The following DMD variants were observed in gnomAD, a reference collection of about 807,000 sequenced individuals.
DMD encodes the protein dystrophin.
Under a neutral mutation model 330.1 loss-of-function variants are expected in DMD, and 63 were observed. That is an observed-to-expected ratio of 0.19 (90% CI 0.16 to 0.24). The LOEUF is 0.24. Among genes scored for constraint, DMD ranks in the 10% least tolerant of loss-of-function variants. The probability of loss-of-function intolerance (pLI) is 1.00; values close to 1 mark genes in which losing one functional copy is unlikely to be tolerated. For missense variants in DMD, 3,344 were observed against 2,684.1 expected, an observed-to-expected ratio of 1.25 and a Z score of -5.43; for synonymous variants, 1,223 against 959.8, an observed-to-expected ratio of 1.27 and a Z score of -5.07.
chrX:32,999,913 T>C (rs2147402379), intron 2 of DMD, among the ~76,000 whole-genome samples: 1 of 113,057 alleles, frequency 8.8e-6, no homozygotes, highest in South Asian at 3.6e-4. Flanking sequence ...AAGCGTCACG[T>C]ACACGTGTTG....
At chrX:33,150,340 G>A (rs2048223746) in intron 1 of DMD, among the ~76,000 whole-genome samples, 1 of 102,808 alleles carries the variant, frequency 9.7e-6, no homozygotes, top group African/African-American at 3.6e-5. Context: ...TGTTGCCCAG[G>A]CTGGAGTGCA....
chrX:32,794,154 T>C (rs1333342500), intron 7 of DMD, among the ~76,000 whole-genome samples: 6 of 111,546 alleles, frequency 5.4e-5, no homozygotes, highest in Non-Finnish European at 1.1e-4. Flanking sequence ...CAAAAGAACA[T>C]TTCATAAAAT....
intron 1 of DMD, among the ~76,000 whole-genome samples, chrX:33,194,920 C>T (rs6628787): frequency 9.0e-6 from 1 of 111,415 alleles, no homozygotes; most frequent in East Asian, 2.8e-4. Flanking sequence ...CATTTAAGTG[C>T]AAAAATAATA....
At chrX:32,981,007 C>T (rs2092694468) in intron 2 of DMD, among the ~76,000 whole-genome samples, 1 of 111,548 alleles carries the variant, frequency 9.0e-6, no homozygotes, top group East Asian at 2.8e-4. Flanking sequence ...GCCATACCTA[C>T]TCAATTCCTC....
At chrX:32,998,150 C>T (rs941969166) in intron 2 of DMD, among the ~76,000 whole-genome samples, 1 of 109,192 alleles carries the variant, frequency 9.2e-6, no homozygotes, top group South Asian at 4.0e-4. Flanking sequence ...CACTTGAGCT[C>T]AAGCATTCAA....
intron 1 of DMD, among the ~76,000 whole-genome samples, chrX:33,188,483 T>C (rs746644503): frequency 2.7e-5 from 3 of 110,071 alleles, no homozygotes; most frequent in Non-Finnish European, 3.8e-5. Context: ...CTGACAGCAG[T>C]CCTCAGTAAC....
At chrX:32,711,765 T>A (rs2065214172) in intron 7 of DMD, among the ~76,000 whole-genome samples, 1 of 111,795 alleles carries the variant, frequency 8.9e-6, no homozygotes, top group Non-Finnish European at 1.9e-5. Context: ...CATCCATGCA[T>A]CTATCCATTC....
intron 9 of DMD, among the ~76,000 whole-genome samples, chrX:32,651,303 G>A (rs900985417): frequency 1.2e-4 from 13 of 108,685 alleles, no homozygotes; most frequent in Non-Finnish European, 1.7e-4. Flanking sequence ...CCACCACACC[G>A]GGCTAATTTT....
chrX:33,065,956 G>A (rs1169672161), intron 1 of DMD, among the ~76,000 whole-genome samples: 1 of 110,710 alleles, frequency 9.0e-6, no homozygotes, highest in African/African-American at 3.3e-5. Context: ...ATATAGATGA[G>A]CAGGAAACAT....
At chrX:32,171,189 A>C (rs1229987537) in intron 44 of DMD, among the ~76,000 whole-genome samples, 1 of 111,906 alleles carries the variant, frequency 8.9e-6, no homozygotes, top group Non-Finnish European at 1.9e-5. Context: ...ATATATTTTT[A>C]TTTAATTAGC....
intron 49 of DMD, among the ~76,000 whole-genome samples, chrX:31,830,411 G>A (rs1271118701): frequency 3.6e-5 from 4 of 111,678 alleles, no homozygotes; most frequent in South Asian, 3.7e-4. Flanking sequence ...CTTGACCAAC[G>A]TGGAGAAACC....
chrX:32,729,069 A>G (rs754094127), intron 7 of DMD, among the ~76,000 whole-genome samples: 2 of 112,317 alleles, frequency 1.8e-5, no homozygotes, highest in Non-Finnish European at 3.8e-5. Flanking sequence ...CGTGTAAGCA[A>G]GTAAGTTCAA....
chrX:32,164,735 C>T (rs1203694135), intron 44 of DMD, among the ~76,000 whole-genome samples: 2 of 110,942 alleles, frequency 1.8e-5, no homozygotes, highest in South Asian at 7.7e-4. Context: ...ACCTTCATTG[C>T]GGCTCCTCCC....
At chrX:32,873,172 C>T (rs1457021514) in intron 2 of DMD, among the ~76,000 whole-genome samples, 1 of 111,270 alleles carries the variant, frequency 9.0e-6, no homozygotes, top group African/African-American at 3.3e-5. Flanking sequence ...CATTTCATCA[C>T]CGACCCTTTC....
At chrX:32,538,445 C>A (rs2048195267) in intron 17 of DMD, among the ~76,000 whole-genome samples, 1 of 110,742 alleles carries the variant, frequency 9.0e-6, no homozygotes, top group Admixed American at 9.6e-5. Context: ...TTCCACTACC[C>A]ACCCAAATCC....
chrX:31,991,735 T>G lies in DMD; in HGVS notation c.6439-23221A>C, dbSNP rs150301870. 6.9e-3 allele frequency among the ~76,000 whole-genome samples: 639 copies of G among 92,060 alleles called. 7 individuals are homozygous for G. Among genetic ancestry groups the G allele is most frequent in the African/African-American group, 0.02 (496 of 25,089 alleles). The allele number at this position is 92,060 out of a possible 115,157, so 79.9% of individuals were successfully genotyped here. A position where few individuals can be genotyped will look rare whatever the true frequency, so the allele number is the denominator to read the frequency against. On this transcript the variant is annotated intron_variant, in intron 44 of 78. Coordinates refer to ENST00000357033, the MANE Select transcript of DMD (RefSeq NM_004006.3). ...GAGAGGAATAAAAAACTAGGAATATTACAGAAGCTAAAGGGTTACAGACTT... is the reference window on the plus strand; with the variant it reads ...GAGAGGAATAAAAAACTAGGAATATGACAGAAGCTAAAGGGTTACAGACTT...
intron 44 of DMD, among the ~76,000 whole-genome samples, chrX:32,047,265 G>C (rs190629344): frequency 1.8e-5 from 2 of 111,344 alleles, no homozygotes; most frequent in East Asian, 5.6e-4. Context: ...TAGGTGCATA[G>C]ATACCTGGAT....
intron 63 of DMD, among the ~76,000 whole-genome samples, chrX:31,236,943 G>C (rs1470494634): frequency 8.9e-6 from 1 of 111,829 alleles, no homozygotes; most frequent in Non-Finnish European, 1.9e-5. Flanking sequence ...TAGGTTCTGA[G>C]TGAAAATGAT....
chrX:31,212,101 T>C (rs2044734852), intron 64 of DMD, among the ~76,000 whole-genome samples: 1 of 108,515 alleles, frequency 9.2e-6, no homozygotes, highest in African/African-American at 3.3e-5. Flanking sequence ...GATACAGTTG[T>C]GTGAAACCAT....
Sources: allele counts gnomAD v4.1 joint callset (sites outside exome capture counted in the v4.1 genomes callset), GRCh38; gene constraint gnomAD v4.1.1; transcripts MANE v1.5; gene names NCBI Gene and HGNC (gene_info 2026-07-23, HGNC 2026-07-21).